Variants in DDX31 observed in about 807,000 individuals in gnomAD.
The protein encoded by DDX31 is ATP-dependent DNA helicase DDX31.
DDX31 carries 70 observed loss-of-function variants against 91.3 expected under a neutral mutation model. The observed-to-expected ratio is 0.77, with a 90% CI of 0.63 to 0.94. The LOEUF (loss-of-function observed/expected upper bound fraction) is 0.94. Ranked by LOEUF, DDX31 falls within the 40% of genes least tolerant of loss-of-function variation. DDX31 has a pLI of 0.00. For missense variants in DDX31, 902 were observed against 925.0 expected (o/e 0.98, Z 0.32); for synonymous variants, 362 against 350.6 (o/e 1.03, Z -0.36).
intron 13 of DDX31, among the ~76,000 whole-genome samples, chr9:132,642,641 CAAA>C (rs750890723): frequency 7.6e-6 from 1 of 132,224 alleles, no homozygotes; most frequent in Admixed American, 7.5e-5. Flanking sequence ...TGCAGCTTTC[CAAA>C]AAAAAAAAAG....
Position 132,625,747 on chromosome 9 carries a change from T to C in DDX31, c.1632-2A>G. ...TCTTCCATCTTAATCTCAGAAACGC[T>C]GTAAAAGGAAGGGCACAGCAAGGTA... On this transcript the variant is annotated splice_acceptor_variant, in intron 16 of 19. Transcript: ENST00000372159. LOFTEE classifies it high-confidence loss of function. 1.2e-6 allele frequency: 2 copies of C among 1,612,838 alleles called. No homozygotes were observed. Among genetic ancestry groups the C allele is most frequent in the Non-Finnish European group, 8.5e-7 (1 of 1,179,578 alleles).
At position 132,594,810 on chromosome 9, in the gene DDX31, C is replaced by T; in HGVS notation, c.*56G>A. 1.3e-6 allele frequency: 2 copies of T among 1,596,356 alleles called. No individual in the cohort carries two copies. The highest frequency in any genetic ancestry group is 2.3e-5 in the South Asian group (2 of 88,638). On this transcript the variant is annotated 3_prime_UTR_variant, in exon 20 of 20. Coordinates refer to ENST00000372159, the MANE Select transcript of DDX31 (RefSeq NM_022779.9). ...CAAGCCTCCTCTGACAAGAACTGGA[C>T]ATCAATCCACTGCCACCCGGGGCTT...
rs749576000 is a variant in DDX31, at chr9:132,595,416, T to A, written c.1995-304A>T. Among the ~76,000 whole-genome samples the A allele has an allele frequency of 6.6e-6, 1 of 152,126 alleles. No individual in the cohort carries two copies. The highest frequency in any genetic ancestry group is 2.4e-5 in the African/African-American group (1 of 41,430). ...CCTCATGCTCTGATGGCAAATGAGG[T>A]GTATGATACAGCGGTTTGCCAAAGG... On this transcript the variant is annotated intron_variant, in intron 19 of 19. Coordinates refer to ENST00000372159, the MANE Select transcript of DDX31 (RefSeq NM_022779.9). This position sits in a 1 kb window ranked among gnomAD's most constrained non-coding sequence, Gnocchi z 4.6.
Position 132,651,134 on chromosome 9 carries a change from G to T in DDX31, c.634-18C>A. The T allele has an allele frequency of 6.3e-7, 1 of 1,588,464 alleles. No homozygotes were observed. Among genetic ancestry groups the T allele is most frequent in the Non-Finnish European group, 8.6e-7 (1 of 1,165,528 alleles). ...AGAGCTAGCTGTAAAAATTTTAAAA[G>T]TTATAGATGATGAACAGGATCCCCC... On this transcript the variant is annotated intron_variant, in intron 7 of 19. Transcript: ENST00000372159.
intron 15 of DDX31, among the ~76,000 whole-genome samples, chr9:132,631,737 C>T (rs1035270556): frequency 2.0e-5 from 3 of 152,078 alleles, no homozygotes; most frequent in Non-Finnish European, 4.4e-5. Flanking sequence ...TCCCAGGGAC[C>T]GAGGTAATTC....
intron 8 of DDX31, 78 bp from the exon 9 acceptor site, chr9:132,650,376 C>T: frequency 7.1e-7 from 1 of 1,402,774 alleles, no homozygotes; most frequent in Non-Finnish European, 1.0e-6. Flanking sequence ...ATTCCCTTTC[C>T]TTAAACAAGG....
intron 19 of DDX31, among the ~76,000 whole-genome samples, chr9:132,603,094 G>C (rs1209203434): frequency 1.3e-5 from 2 of 152,198 alleles, no homozygotes; most frequent in Non-Finnish European, 2.9e-5. Context: ...AGGCCTCAGT[G>C]AGATAATGTG....
chr9:132,658,113 T>G, intron 6 of DDX31: 1 of 561,056 alleles, frequency 1.8e-6, no homozygotes, highest in Middle Eastern at 4.2e-4. Flanking sequence ...CTTTATTGAG[T>G]GACCATTCTG....
chr9:132,597,776 C>G (rs766693947), intron 19 of DDX31, among the ~76,000 whole-genome samples: 1 of 152,144 alleles, frequency 6.6e-6, no homozygotes, highest in Non-Finnish European at 1.5e-5. Context: ...CAGACACCAC[C>G]GGGGCCACTT....
At chr9:132,639,160 C>A (rs1478786998) in intron 14 of DDX31, among the ~76,000 whole-genome samples, 1 of 152,142 alleles carries the variant, frequency 6.6e-6, no homozygotes, top group East Asian at 1.9e-4. Flanking sequence ...TCTATTACAG[C>A]GTGTGTGTCC....
Position 132,618,329 on chromosome 9 carries a change from C to A in DDX31, c.1825+1G>T, listed in dbSNP as rs766785080. 33 of 1,607,206 alleles carry A rather than the reference C, an allele frequency of 2.1e-5. No individual in the cohort carries two copies. Among genetic ancestry groups the A allele is most frequent in the African/African-American group, 2.7e-5 (2 of 74,714 alleles). On this transcript the variant is annotated splice_donor_variant, in intron 18 of 19. Coordinates refer to ENST00000372159, the MANE Select transcript of DDX31 (RefSeq NM_022779.9). LOFTEE classifies it high-confidence loss of function. ...CGCAAGCACCTAGGAAATCGACTGA[C>A]CTTTCTTTGCCCAGGAGACCCTCCT... is the stretch of plus-strand genomic sequence containing the variant.
At position 132,650,217 on chromosome 9, in the gene DDX31, A is replaced by G. The variant is rs1274857742; in HGVS notation, c.740+17T>C. The G allele has an allele frequency of 6.2e-7, 1 of 1,613,532 alleles. No individual in the cohort carries two copies. The highest frequency in any genetic ancestry group is 8.5e-7 in the Non-Finnish European group (1 of 1,179,486). ...CACATTCAAGAAGGAAACAACAACC[A>G]ACAAACCTCTTCCTACCTGGCCTTT... is the stretch of plus-strand genomic sequence containing the variant. On this transcript the variant is annotated intron_variant, in intron 9 of 19. Transcript: ENST00000372159.
At chr9:132,648,594 G>A in intron 9 of DDX31, 43 bp from the exon 10 acceptor site, 1 of 1,569,908 alleles carries the variant, frequency 6.4e-7, no homozygotes. Flanking sequence ...AATCAAACAG[G>A]GCCACGCCAG....
intron 5 of DDX31, 22 bp downstream of exon 5, chr9:132,659,688 G>T (rs1187318661): frequency 6.3e-7 from 1 of 1,597,502 alleles, no homozygotes; most frequent in East Asian, 2.3e-5. Context: ...ATGAAAAAGG[G>T]CAGAGATGAA....
At chr9:132,605,159 A>T (rs1830938799) in intron 19 of DDX31, among the ~76,000 whole-genome samples, 1 of 152,094 alleles carries the variant, frequency 6.6e-6, no homozygotes, top group Admixed American at 6.5e-5. Context: ...AGTCAGAACA[A>T]TTCCTTCTTC....
At chr9:132,610,555 G>A (rs1663482734) in intron 19 of DDX31, among the ~76,000 whole-genome samples, 2 of 152,052 alleles carry the variant, frequency 1.3e-5, no homozygotes, top group African/African-American at 2.4e-5. Flanking sequence ...GGATGTCCCC[G>A]AATCTGCTTT....
intron 19 of DDX31, among the ~76,000 whole-genome samples, chr9:132,604,147 G>A (rs113322240): frequency 0.017 from 2,613 of 152,298 alleles, 37 homozygotes; most frequent in Non-Finnish European, 0.027. Context: ...ACTGGAGCAT[G>A]TGCCCACACT....
chr9:132,634,585 G>GTTTTTTTT (rs59296842), intron 14 of DDX31, among the ~76,000 whole-genome samples: 1 of 103,078 alleles, frequency 9.7e-6, no homozygotes, highest in Non-Finnish European at 1.8e-5. Context: ...TACCTAAGAT[G>GTTTTTTTT]TTTTTTTTTT....
chr9:132,605,852 G>A (rs976959869), intron 19 of DDX31, among the ~76,000 whole-genome samples: 2 of 152,276 alleles, frequency 1.3e-5, no homozygotes, highest in East Asian at 3.9e-4. Context: ...ACAGCCTAAC[G>A]GGATGCCACT....
Sources: gnomAD v4.1 joint callset for allele counts (sites outside exome capture counted in the v4.1 genomes callset) on GRCh38, gnomAD v4.1.1 for gene constraint, Gnocchi (gnomAD v3.1) non-coding constraint, MANE v1.5 for transcripts, NCBI Gene and HGNC (gene_info 2026-07-23, HGNC 2026-07-21) for gene names.